The following ZNF530 variants were observed in gnomAD, a reference collection of about 807,000 sequenced individuals.
ZNF530 encodes the protein zinc finger protein 530.
A neutral mutation model predicts 2.8 loss-of-function variants in ZNF530; 5 were observed. That is an observed-to-expected ratio of 1.80 (90% CI 0.94 to 3.78). The LOEUF (loss-of-function observed/expected upper bound fraction) is 3.78. Ranked by LOEUF, ZNF530 falls within the 30% of genes most tolerant of loss-of-function variation. ZNF530 has a pLI of 0.00. For synonymous variants in ZNF530, 229 were observed against 235.0 expected (o/e 0.97, Z 0.23); for missense variants, 619 against 673.3 (o/e 0.92, Z 0.89).
intron 1 of ZNF530, among the ~76,000 whole-genome samples, 188 bp from the exon 2 acceptor site, chr19:57,600,540 T>C (rs1280639126): frequency 6.6e-6 from 1 of 152,204 alleles, no homozygotes; most frequent in Non-Finnish European, 1.5e-5. Context: ...GCAGTGATGA[T>C]AGCAGGCATG....
chr19:57,599,919 T>G lies in ZNF530; in HGVS notation c.-337T>G. On this transcript the variant is annotated 5_prime_UTR_variant, in exon 1 of 4. Coordinates refer to ENST00000597700, the MANE Select transcript of ZNF530 (RefSeq NM_001321981.2). ...GGCGTCCTCCCTGTGGCGGGCACTT[T>G]GGCTTGTGTCAGTTCCATCCGCGGG... The G allele has an allele frequency of 1.7e-6, 1 of 578,416 alleles. No homozygotes were observed. The highest frequency in any genetic ancestry group is 2.9e-5 in the South Asian group (1 of 34,298). The allele number at this position is 578,416 out of a possible 1,614,324, so 35.8% of individuals were successfully genotyped here.
intron 2 of ZNF530, among the ~76,000 whole-genome samples, chr19:57,602,452 A>T (rs1443681646): frequency 6.6e-6 from 1 of 152,166 alleles, no homozygotes; most frequent in Non-Finnish European, 1.5e-5. Flanking sequence ...AGCCCATAAC[A>T]TCATAGATCC....
chr19:57,612,255 A>G (rs573065500), downstream of ZNF530, among the ~76,000 whole-genome samples: 1 of 152,324 alleles, frequency 6.6e-6, no homozygotes, highest in African/African-American at 2.4e-5. Flanking sequence ...TATGCCTGCC[A>G]CATTCTAACA....
At chr19:57,612,018 G>T (rs1327258964), downstream of ZNF530, among the ~76,000 whole-genome samples, 1 of 152,154 alleles carries the variant, frequency 6.6e-6, no homozygotes, top group Non-Finnish European at 1.5e-5. Context: ...CCTAGCTCTT[G>T]CTTCTTCCTT....
rs544403221 is a variant in ZNF530, at chr19:57,607,655, C to T, written c.*330C>T. The T allele has an allele frequency of 2.7e-4, 69 of 254,454 alleles. No individual in the cohort carries two copies. The highest frequency in any genetic ancestry group is 1.5e-3 in the African/African-American group (66 of 44,852). 15.8% of individuals were successfully genotyped at this position (254,454 alleles called of 1,614,324 possible). On this transcript the variant is annotated 3_prime_UTR_variant, in exon 4 of 4. Transcript: ENST00000597700. ...CCACCATGTCCGGCTTGTGTTGTGA[C>T]ATTTAACACAAGATTTCCCAAAGAA...
intron 3 of ZNF530, 190 bp from the exon 4 acceptor site, chr19:57,605,496 C>T (rs746764997): frequency 1.4e-5 from 8 of 558,910 alleles, no homozygotes; most frequent in Non-Finnish European, 2.5e-5. Flanking sequence ...TGAGTTGTGC[C>T]CCATCTTTGT....
In ZNF530 at chr19:57,607,078, C is replaced by G. The variant is rs753324680; in HGVS notation, c.1454C>G (p.Pro485Arg). ...RHQTVHTNER[P>R]YECDECGKSY... ...CAGACTGTTCACACTAATGAAAGGC[C>G]TTATGAGTGCGATGAATGTGGGAAA... Residue 485 changes from proline to arginine, a missense_variant, in exon 4 of 4, where the codon CCT becomes CGT. Coordinates refer to ENST00000597700, the MANE Select transcript of ZNF530 (RefSeq NM_001321981.2). 15 of 1,613,330 alleles carry G rather than the reference C, an allele frequency of 9.3e-6. No individual in the cohort carries two copies. The highest frequency in any genetic ancestry group is 1.3e-5 in the Non-Finnish European group (15 of 1,179,536).
chr19:57,605,175 T>G (rs1166097226), intron 3 of ZNF530: 1 of 153,042 alleles, frequency 6.5e-6, no homozygotes, highest in Non-Finnish European at 1.5e-5. Flanking sequence ...CATGTTCTGA[T>G]TTTTATTTCA....
rs1254248487 is a variant in ZNF530 at position 57,609,856 on chromosome 19, G to A, written c.*2531G>A. Among the ~76,000 whole-genome samples, 5 of 151,848 alleles carry A rather than the reference G, an allele frequency of 3.3e-5. No homozygotes were observed. The East Asian group carries it at 7.7e-4, about 23-fold the overall frequency. On this transcript the variant is annotated 3_prime_UTR_variant, in exon 4 of 4. Coordinates refer to ENST00000597700, the MANE Select transcript of ZNF530 (RefSeq NM_001321981.2). ...AGAGAGATTCGGTTGTCCTTGGTGC[G>A]GCTTTTGTGATCCAGTAGCAATCCT... is the stretch of plus-strand genomic sequence containing the variant.
rs761588602 is a variant in ZNF530 at position 57,606,592 on chromosome 19, G to A, written c.968G>A (p.Cys323Tyr). ...ACAAGGCCTTATGAGTGCAGTGAATGTGGAAAATCCTTTAGCCATAGCACT... is the reference window on the plus strand; with the variant it reads ...ACAAGGCCTTATGAGTGCAGTGAATATGGAAAATCCTTTAGCCATAGCACT... ...TSTRPYECSE[C>Y]GKSFSHSTNL... Residue 323 changes from cysteine (C) to tyrosine (Y), a missense_variant, in exon 4 of 4, where the codon TGT (cysteine) becomes TAT (tyrosine). Physicochemically the swap from Cys to Tyr is radical, Grantham distance 194. Coordinates refer to ENST00000597700, the MANE Select transcript of ZNF530 (RefSeq NM_001321981.2). The A allele has an allele frequency of 3.1e-6, 5 of 1,614,190 alleles. No homozygotes were observed. The highest frequency in any genetic ancestry group is 4.2e-6 in the Non-Finnish European group (5 of 1,180,032).
chr19:57,607,372 A>C lies in ZNF530; in HGVS notation c.*47A>C. 2 of 1,518,728 alleles carry C rather than the reference A, an allele frequency of 1.3e-6. No individual in the cohort carries two copies. Among genetic ancestry groups the C allele is most frequent in the Non-Finnish European group, 1.8e-6 (2 of 1,136,982 alleles). The allele number at this position is 1,518,728 out of a possible 1,614,324, so 94.1% of individuals were successfully genotyped here. A position where few individuals can be genotyped will look rare whatever the true frequency, so the allele number is the denominator to read the frequency against. ...CTTTTTTTTTTTTTTTTGAGATGGA[A>C]TTTTGCTCGTCACCCAGGCTGGAGT... On this transcript the variant is annotated 3_prime_UTR_variant, in exon 4 of 4. Transcript: ENST00000597700.
intron 1 of ZNF530, among the ~76,000 whole-genome samples, 194 bp downstream of exon 1, chr19:57,600,328 C>T (rs1481165025): frequency 1.3e-5 from 2 of 152,300 alleles, no homozygotes; most frequent in Non-Finnish European, 1.5e-5. Context: ...CTTGGAGCTG[C>T]GCCTGAGCCG....
rs939464691 is a variant in ZNF530 at position 57,600,718 on chromosome 19, C to A, written c.-121-10C>A. On this transcript the variant is annotated splice_polypyrimidine_tract_variant and intron_variant, in intron 1 of 3. Coordinates refer to ENST00000597700, the MANE Select transcript of ZNF530 (RefSeq NM_001321981.2). ...GTCACCTGCCTCTCAGAACATGTTT[C>A]CTCCCACAGATTGCCACTAGTACTT... The A allele has an allele frequency of 8.5e-5, 13 of 152,472 alleles. No homozygotes were observed. The highest frequency in any genetic ancestry group is 3.1e-4 in the African/African-American group (13 of 41,452). 9.4% of individuals were successfully genotyped at this position (152,472 alleles called of 1,614,324 possible). A position where few individuals can be genotyped will look rare whatever the true frequency, so the allele number is the denominator to read the frequency against.
intron 1 of ZNF530, 32 bp downstream of exon 1, chr19:57,600,166 C>T (rs1345708944): frequency 1.3e-6 from 2 of 1,556,398 alleles, no homozygotes; most frequent in Non-Finnish European, 8.7e-7. Context: ...CCTCCTCTGC[C>T]CTCCCCACCC....
At chr19:57,600,293 G>C (rs1980167695) in intron 1 of ZNF530, among the ~76,000 whole-genome samples, 159 bp downstream of exon 1, 1 of 152,228 alleles carries the variant, frequency 6.6e-6, no homozygotes, top group African/African-American at 2.4e-5. Context: ...AGAGCGACAC[G>C]GTCAGGGGGC....
At chr19:57,600,969 G>A (rs1568622104) in intron 2 of ZNF530, among the ~76,000 whole-genome samples, 190 bp downstream of exon 2, 1 of 152,300 alleles carries the variant, frequency 6.6e-6, no homozygotes, top group East Asian at 1.9e-4. Context: ...GGATGAATGT[G>A]GAAGTTTGTC....
rs770573809 is a variant in ZNF530, at chr19:57,604,384, C to T, written c.39C>T (p.Asn13=). Residue 13 remains asparagine (N), a synonymous_variant, in exon 3 of 4, where the codon AAC becomes AAT. Coordinates refer to ENST00000597700, the MANE Select transcript of ZNF530 (RefSeq NM_001321981.2). ...TGTACCGCGATGTGATGCTGGAGAACTTTGCAGTTATGGCATCCCTAGGTA... is the reference window on the plus strand; with the variant it reads ...TGTACCGCGATGTGATGCTGGAGAATTTTGCAGTTATGGCATCCCTAGGTA... ...RLLYRDVMLE[N]FAVMASLGCW... is the part of the protein sequence containing the mutation. 6.2e-7 allele frequency: 1 copy of T among 1,613,890 alleles called. No homozygotes were observed. Among genetic ancestry groups the T allele is most frequent in the Admixed American group, 1.7e-5 (1 of 60,006 alleles).
intron 2 of ZNF530, among the ~76,000 whole-genome samples, chr19:57,601,707 G>T (rs368267866): frequency 6.6e-5 from 10 of 152,264 alleles, no homozygotes; most frequent in South Asian, 6.2e-4. Flanking sequence ...AATACCTAAG[G>T]CTGGGTAGTT....
rs771614565 is a variant in ZNF530 at position 57,605,790 on chromosome 19, AAG to A, written c.169_170del (p.His58ProfsTer3). 6 of 1,614,178 alleles carry A rather than the reference AAG, an allele frequency of 3.7e-6. No individual in the cohort carries two copies. The highest frequency in any genetic ancestry group is 5.1e-6 in the Non-Finnish European group (6 of 1,180,020). On this transcript the variant is annotated frameshift_variant, in exon 4 of 4. Transcript: ENST00000597700. LOFTEE classifies it low-confidence loss of function (END_TRUNC). ...TCCAAAGGCAGATACATCCACTGAT[AAG>A]AGTCACCCCTGTGAGATTTGTACCC... ...RTPKADTSTD[K>X]SHPCEICTPV... is the part of the protein sequence containing the mutation.
Sources: allele counts gnomAD v4.1 joint callset (sites outside exome capture counted in the v4.1 genomes callset), GRCh38; gene constraint gnomAD v4.1.1; transcripts MANE v1.5; gene names NCBI Gene and HGNC (gene_info 2026-07-23, HGNC 2026-07-21).